Variants in RTL4 observed in about 807,000 individuals in gnomAD.
RTL4 encodes the protein retrotransposon Gag-like protein 4.
A neutral mutation model predicts 5.3 loss-of-function variants in RTL4; 4 were observed. The ratio of observed to expected loss-of-function variants is 0.75; its 90% CI spans 0.37 to 1.72. The LOEUF is 1.72. Ranked by LOEUF, RTL4 falls within the 40% of genes most tolerant of loss-of-function variation. The pLI is 0.04. For missense variants in RTL4, 260 were observed against 227.1 expected (o/e 1.14, Z -0.93); for synonymous variants, 98 against 87.3 (o/e 1.12, Z -0.68).
the RTL4 span, among the ~76,000 whole-genome samples, chrX:112,372,703 C>A: frequency 8.9e-6 from 1 of 111,812 alleles, no homozygotes; most frequent in Non-Finnish European, 1.9e-5. Flanking sequence ...TGCCCGCAGT[C>A]TTCTTCACAA....
chrX:112,432,759 T>G, the RTL4 span, among the ~76,000 whole-genome samples: 25,675 of 102,685 alleles, frequency 0.25, 3,088 homozygotes, highest in African/African-American at 0.38. Flanking sequence ...GTCAATTTTG[T>G]CTTTTGTTGC....
At chrX:112,193,053 G>T in the RTL4 span, among the ~76,000 whole-genome samples, 5 of 111,424 alleles carry the variant, frequency 4.5e-5, no homozygotes, top group African/African-American at 1.6e-4. Flanking sequence ...TTTTTTATTC[G>T]TCAGTATTTT....
chrX:112,117,397 G>A, the RTL4 span, among the ~76,000 whole-genome samples: 17,212 of 106,966 alleles, frequency 0.16, 2,243 homozygotes, highest in African/African-American at 0.43. Flanking sequence ...CCATATAATC[G>A]TTATATGGTA....
chrX:112,363,054 G>T, the RTL4 span, among the ~76,000 whole-genome samples: 12 of 110,791 alleles, frequency 1.1e-4, no homozygotes, highest in African/African-American at 3.9e-4. Flanking sequence ...TCCCATGGAG[G>T]AGTCAAAGTT....
At chrX:112,127,307 G>A in the RTL4 span, among the ~76,000 whole-genome samples, 1 of 111,254 alleles carries the variant, frequency 9.0e-6, no homozygotes, top group Non-Finnish European at 1.9e-5. Context: ...TTAATAGAAT[G>A]AAGGGTATAA....
the RTL4 span, among the ~76,000 whole-genome samples, chrX:112,109,229 T>C: frequency 8.9e-6 from 1 of 111,994 alleles, no homozygotes; most frequent in Non-Finnish European, 1.9e-5. Flanking sequence ...TGGAGAGTGC[T>C]ATTGTGTCCG....
chrX:112,114,107 T>C, the RTL4 span, among the ~76,000 whole-genome samples: 1 of 111,836 alleles, frequency 8.9e-6, no homozygotes, highest in East Asian at 2.8e-4. Flanking sequence ...AGTGTATTTT[T>C]CTAAGGCCTT....
the RTL4 span, among the ~76,000 whole-genome samples, chrX:112,201,673 C>T: frequency 3.6e-5 from 4 of 110,317 alleles, no homozygotes; most frequent in East Asian, 8.6e-4. Context: ...GAAATGAGAG[C>T]CTGCAGGAGA....
chrX:112,327,152 C>T, the RTL4 span, among the ~76,000 whole-genome samples: 588 of 112,135 alleles, frequency 5.2e-3, 4 homozygotes, highest in East Asian at 0.024. Flanking sequence ...CAAAGCTGGA[C>T]GGAGAATGAC....
At chrX:112,197,097 C>T in the RTL4 span, among the ~76,000 whole-genome samples, 1 of 93,482 alleles carries the variant, frequency 1.1e-5, no homozygotes, top group Non-Finnish European at 2.1e-5. Context: ...ATTTAAAAAA[C>T]AACAACTCAA....
the RTL4 span, among the ~76,000 whole-genome samples, chrX:112,219,937 C>T: frequency 8.9e-6 from 1 of 111,820 alleles, no homozygotes; most frequent in African/African-American, 3.3e-5. Flanking sequence ...GCCTTGCTTT[C>T]TGTTCTTTAG....
chrX:112,376,492 CA>C, the RTL4 span, among the ~76,000 whole-genome samples: 2 of 111,418 alleles, frequency 1.8e-5, no homozygotes, highest in African/African-American at 3.3e-5. Context: ...AAAACCCAGT[CA>C]AAATAGTAAA....
exon 1 of RTL4, chrX:112,455,427 A>G: frequency 8.3e-7 from 1 of 1,211,164 alleles, no homozygotes; most frequent in Non-Finnish European, 1.1e-6. Flanking sequence ...CCCAGCTCCC[A>G]TTGTTGGCTT....
the RTL4 span, among the ~76,000 whole-genome samples, chrX:112,275,528 T>C: frequency 8.9e-6 from 1 of 112,114 alleles, no homozygotes; most frequent in African/African-American, 3.2e-5. Context: ...TATGTAACCT[T>C]ATGCGAGTTA....
At chrX:112,365,508 G>A in the RTL4 span, among the ~76,000 whole-genome samples, 1 of 111,267 alleles carries the variant, frequency 9.0e-6, no homozygotes, top group Non-Finnish European at 1.9e-5. Flanking sequence ...ATAGACACAG[G>A]CTTTCAAACC....
At chrX:112,369,789 G>T in the RTL4 span, among the ~76,000 whole-genome samples, 1 of 111,616 alleles carries the variant, frequency 9.0e-6, no homozygotes, top group African/African-American at 3.2e-5. Flanking sequence ...AGTAATTGAG[G>T]CAACTACAAT....
At chrX:112,414,503 G>GA in the RTL4 span, among the ~76,000 whole-genome samples, 18 of 111,408 alleles carry the variant, frequency 1.6e-4, no homozygotes, top group African/African-American at 5.8e-4. Flanking sequence ...GGTATAAGAA[G>GA]AAAATTGTGA....
At chrX:112,372,717 C>T in the RTL4 span, among the ~76,000 whole-genome samples, 3 of 111,893 alleles carry the variant, frequency 2.7e-5, no homozygotes, top group African/African-American at 9.7e-5. Context: ...TTCACAAGCA[C>T]CTGGAGACTT....
chrX:112,397,204 A>G, the RTL4 span, among the ~76,000 whole-genome samples: 4 of 111,779 alleles, frequency 3.6e-5, no homozygotes, highest in South Asian at 1.5e-3. Flanking sequence ...TTGGATGCTC[A>G]ATTATCTTAT....
Sources: gnomAD v4.1 joint callset for allele counts (sites outside exome capture counted in the v4.1 genomes callset) on GRCh38, gnomAD v4.1.1 for gene constraint, MANE v1.5 for transcripts, NCBI Gene and HGNC (gene_info 2026-07-23, HGNC 2026-07-21) for gene names.